The following LRRC7 variants were observed in gnomAD, a reference collection of about 807,000 sequenced individuals.
LRRC7 encodes the protein leucine rich repeat containing 7, also known as leucine-rich repeat-containing protein 7.
In LRRC7, 23 loss-of-function variants were observed where a neutral mutation model predicts 175.7. That is an observed-to-expected ratio of 0.13 (90% CI 0.09 to 0.19). LRRC7 has a LOEUF of 0.19. Among genes scored for constraint, LRRC7 ranks in the 10% least tolerant of loss-of-function variants. The pLI is 1.00. For missense variants in LRRC7, 1,354 were observed against 1,904.7 expected, an observed-to-expected ratio of 0.71 and a Z score of 5.38; for synonymous variants, 685 against 680.9, an observed-to-expected ratio of 1.01 and a Z score of -0.09.
At chr1:70,008,796 C>T (rs1257702414) in intron 11 of LRRC7, among the ~76,000 whole-genome samples, 3 of 152,176 alleles carry the variant, frequency 2.0e-5, no homozygotes, top group South Asian at 4.1e-4. Flanking sequence ...GAAGGCAACA[C>T]ATGTTTTGCT....
At chr1:69,573,293 T>G (rs1171345694) in intron 1 of LRRC7, among the ~76,000 whole-genome samples, 2 of 152,174 alleles carry the variant, frequency 1.3e-5, no homozygotes, top group Admixed American at 1.3e-4. Flanking sequence ...CTTCATGGCA[T>G]AAATTGAAGT....
At chr1:69,950,174 T>C (rs1649771843) in intron 8 of LRRC7, among the ~76,000 whole-genome samples, 1 of 152,002 alleles carries the variant, frequency 6.6e-6, no homozygotes, top group Non-Finnish European at 1.5e-5. Flanking sequence ...AATCCAAGCC[T>C]AATAATAGTA....
intron 8 of LRRC7, among the ~76,000 whole-genome samples, chr1:69,964,556 G>T (rs1651475437): frequency 6.6e-6 from 1 of 152,080 alleles, no homozygotes. Context: ...AGATTTTTTT[G>T]TTGTTATTGT....
chr1:69,848,212 A>C (rs1682588635), intron 7 of LRRC7, among the ~76,000 whole-genome samples: 1 of 152,116 alleles, frequency 6.6e-6, no homozygotes, highest in Non-Finnish European at 1.5e-5. Flanking sequence ...TCAGAAATAT[A>C]ATAAGCTTAA....
intron 7 of LRRC7, among the ~76,000 whole-genome samples, chr1:69,906,966 G>A (rs1366711683): frequency 6.6e-6 from 1 of 151,890 alleles, no homozygotes; most frequent in African/African-American, 2.4e-5. Flanking sequence ...TCCTTGAAGA[G>A]GTCCTTCACA....
intron 7 of LRRC7, among the ~76,000 whole-genome samples, chr1:69,859,685 A>G (rs976326407): frequency 3.3e-5 from 5 of 152,032 alleles, no homozygotes; most frequent in African/African-American, 1.2e-4. Context: ...TATAAATTTA[A>G]ACGTTAACCT....
intron 2 of LRRC7, among the ~76,000 whole-genome samples, chr1:69,745,837 T>C (rs1165353482): frequency 6.6e-6 from 1 of 151,908 alleles, no homozygotes; most frequent in African/African-American, 2.4e-5. Flanking sequence ...ATATTATGAA[T>C]TTTATTTTCT....
At chr1:69,718,028 A>C (rs1020871460) in intron 2 of LRRC7, among the ~76,000 whole-genome samples, 1 of 149,248 alleles carries the variant, frequency 6.7e-6, no homozygotes, top group Admixed American at 6.7e-5. Flanking sequence ...ACTAGAAAGA[A>C]AAAGAAGAAA....
chr1:70,021,532 G>A (rs1412990559), intron 16 of LRRC7, among the ~76,000 whole-genome samples: 2 of 151,902 alleles, frequency 1.3e-5, no homozygotes, highest in Non-Finnish European at 2.9e-5. Context: ...TTTCTGGAAG[G>A]GCCAACAGAT....
At chr1:69,819,575 CTCTGTGTGTGTG>C (rs1000008454) in intron 4 of LRRC7, among the ~76,000 whole-genome samples, 15 of 133,244 alleles carry the variant, frequency 1.1e-4, no homozygotes, top group African/African-American at 3.8e-4. Context: ...CTCTCTCTCT[CTCTGTGTGTGTG>C]TGTGTGTGTG....
chr1:69,893,880 G>A (rs1645906465), intron 7 of LRRC7, among the ~76,000 whole-genome samples: 2 of 152,106 alleles, frequency 1.3e-5, no homozygotes, highest in African/African-American at 4.8e-5. Flanking sequence ...CTAGGCCAAA[G>A]AAAGTCATGT....
chr1:69,588,988 T>TGTGTGTGTGTGTGTGG (rs1553121566), intron 1 of LRRC7, among the ~76,000 whole-genome samples: 8 of 148,012 alleles, frequency 5.4e-5, no homozygotes, highest in Non-Finnish European at 7.5e-5. Context: ...CTGGGGTCTG[T>TGTGTGTGTGTGTGTGG]GTGTGTGTGT....
intron 1 of LRRC7, among the ~76,000 whole-genome samples, chr1:69,635,340 A>AG (rs1472036904): frequency 6.6e-6 from 1 of 152,128 alleles, no homozygotes; most frequent in Admixed American, 6.6e-5. Flanking sequence ...ATCCATAACT[A>AG]CCAAAAGACT....
intron 7 of LRRC7, among the ~76,000 whole-genome samples, chr1:69,861,803 G>A (rs1030242038): frequency 2.6e-5 from 4 of 152,092 alleles, no homozygotes; most frequent in African/African-American, 4.8e-5. Flanking sequence ...CTTATACCCC[G>A]CAGTGTCTGT....
intron 1 of LRRC7, among the ~76,000 whole-genome samples, chr1:69,662,384 A>T (rs1160820302): frequency 1.3e-5 from 2 of 152,172 alleles, no homozygotes; most frequent in African/African-American, 4.8e-5. Flanking sequence ...TTTCTTTATA[A>T]ATAAAGTGAG....
chr1:69,723,591 T>C (rs975379693), intron 2 of LRRC7, among the ~76,000 whole-genome samples: 5 of 152,192 alleles, frequency 3.3e-5, no homozygotes, highest in Non-Finnish European at 5.9e-5. Context: ...TCATATGATA[T>C]TAGAGACTCT....
intron 7 of LRRC7, among the ~76,000 whole-genome samples, chr1:69,905,689 G>T (rs1416386568): frequency 6.6e-6 from 1 of 152,248 alleles, no homozygotes; most frequent in South Asian, 2.1e-4. Context: ...CCAAGTCTTT[G>T]CTATTGTGAA....
At chr1:69,853,270 CTTTT>C (rs1163071175) in intron 7 of LRRC7, among the ~76,000 whole-genome samples, 3 of 88,010 alleles carry the variant, frequency 3.4e-5, no homozygotes, top group Admixed American at 1.2e-4. Flanking sequence ...TCCTTTCTTT[CTTTT>C]TTTTTTTTTT....
chr1:69,923,471 C>T (rs1228463070), intron 7 of LRRC7, among the ~76,000 whole-genome samples: 1 of 151,364 alleles, frequency 6.6e-6, no homozygotes, highest in Non-Finnish European at 1.5e-5. Context: ...ACATCCTCTC[C>T]AGCACCTGTT....
Sources: gnomAD v4.1 joint callset for allele counts (sites outside exome capture counted in the v4.1 genomes callset) on GRCh38, gnomAD v4.1.1 for gene constraint, MANE v1.5 for transcripts, NCBI Gene and HGNC (gene_info 2026-07-23, HGNC 2026-07-21) for gene names.